POU3F3: variants seen among roughly 807,000 people sequenced by gnomAD.
POU3F3 encodes the protein POU class 3 homeobox 3.
A neutral mutation model predicts 8.6 loss-of-function variants in POU3F3; 1 was observed. The ratio of observed to expected loss-of-function variants is 0.12; its 90% CI spans 0.04 to 0.55. The LOEUF (loss-of-function observed/expected upper bound fraction) is 0.55, where lower values mean the gene tolerates loss of function less well. Ranked by LOEUF, POU3F3 falls within the 20% of genes least tolerant of loss-of-function variation. The probability of loss-of-function intolerance (pLI) is 0.91; values close to 1 mark genes in which losing one functional copy is unlikely to be tolerated. For missense variants in POU3F3, 577 were observed against 690.7 expected (o/e 0.84, Z 1.84); for synonymous variants, 418 against 327.4 (o/e 1.28, Z -2.99).
chr2:104,924,580 A>G, the POU3F3 span, among the ~76,000 whole-genome samples: 4 of 152,218 alleles, frequency 2.6e-5, no homozygotes, highest in Non-Finnish European at 5.9e-5. Context: ...ACTCATATTA[A>G]CAGGATTTTC....
chr2:104,897,972 C>T, the POU3F3 span, among the ~76,000 whole-genome samples: 9 of 152,156 alleles, frequency 5.9e-5, no homozygotes, highest in Non-Finnish European at 1.0e-4. Flanking sequence ...AATTGTTTTC[C>T]TAAGTTATAA....
At chr2:104,914,651 G>A in the POU3F3 span, among the ~76,000 whole-genome samples, 55 of 152,294 alleles carry the variant, frequency 3.6e-4, no homozygotes, top group African/African-American at 1.3e-3. Flanking sequence ...TCTGGCGATT[G>A]GAAGACTGGC....
the POU3F3 span, among the ~76,000 whole-genome samples, chr2:104,890,289 C>T: frequency 2.0e-5 from 3 of 152,092 alleles, no homozygotes; most frequent in African/African-American, 7.2e-5. Context: ...CTCCATCTCA[C>T]TTTGCTGAAT....
the POU3F3 span, among the ~76,000 whole-genome samples, chr2:104,874,360 C>A: frequency 2.0e-5 from 3 of 152,304 alleles, no homozygotes; most frequent in East Asian, 5.8e-4. Context: ...CAGGCCTCCC[C>A]GCCAGGGTTC....
the POU3F3 span, among the ~76,000 whole-genome samples, chr2:104,922,563 G>A: frequency 5.9e-5 from 9 of 151,970 alleles, no homozygotes; most frequent in Non-Finnish European, 1.0e-4. Flanking sequence ...TTGAGCAGGC[G>A]GAAGAAAAAA....
chr2:104,897,110 G>A, the POU3F3 span, among the ~76,000 whole-genome samples: 1 of 152,192 alleles, frequency 6.6e-6, no homozygotes, highest in East Asian at 1.9e-4. Flanking sequence ...AGAGGAATTG[G>A]GAAGGGGAGT....
At chr2:104,917,701 A>G in the POU3F3 span, among the ~76,000 whole-genome samples, 1 of 152,082 alleles carries the variant, frequency 6.6e-6, no homozygotes, top group African/African-American at 2.4e-5. Context: ...CATAGAAGTC[A>G]TTTTCTCTCC....
rs1676612064 is a variant in POU3F3, at chr2:104,858,098, C to A, written c.*1085C>A. 1 of 152,160 alleles carries A rather than the reference C, an allele frequency of 6.6e-6. No individual in the cohort carries two copies. The highest frequency in any genetic ancestry group is 6.5e-5 in the Admixed American group (1 of 15,270). 9.4% of individuals were successfully genotyped at this position (152,160 alleles called of 1,614,324 possible). A position where few individuals can be genotyped will look rare whatever the true frequency, so the allele number is the denominator to read the frequency against. On this transcript the variant is annotated 3_prime_UTR_variant, in exon 1 of 1. Transcript: ENST00000361360. ...ATATTTTTTATTTTTTATTTCTGGACTGACTCAGATAAAGGAATTTAGAAA... is the reference window on the plus strand; with the variant it reads ...ATATTTTTTATTTTTTATTTCTGGAATGACTCAGATAAAGGAATTTAGAAA...
chr2:104,888,043 A>G, the POU3F3 span, among the ~76,000 whole-genome samples: 2 of 152,238 alleles, frequency 1.3e-5, no homozygotes, highest in African/African-American at 4.8e-5. Context: ...GGGTACCAAC[A>G]ATAAGGAAGT....
At chr2:104,904,504 C>T in the POU3F3 span, among the ~76,000 whole-genome samples, 5 of 151,964 alleles carry the variant, frequency 3.3e-5, no homozygotes, top group East Asian at 1.9e-4. Flanking sequence ...TCCAGTGGAA[C>T]GAATCCAGTT....
the POU3F3 span, among the ~76,000 whole-genome samples, chr2:104,895,253 A>G: frequency 1.7e-3 from 263 of 152,236 alleles, no homozygotes; most frequent in African/African-American, 6.2e-3. Flanking sequence ...CTCAAAGGGT[A>G]TTTTTTCTTT....
chr2:104,855,655 G>T lies in POU3F3; in HGVS notation c.145G>T (p.Gly49Cys). Reference protein sequence around the residue: ...GGGGGAGGGGGGMQPGSAAVT... With the variant: ...GGGGGAGGGGCGMQPGSAAVT... ...CGGGGGCGGCGCAGGGGGCGGGGGC[G>T]GCGGCATGCAGCCGGGCAGCGCCGC... The change falls in exon 1 of 1, where the codon GGC (glycine) becomes TGC (cysteine). Residue 49 changes from glycine to cysteine, a missense_variant. Gly to Cys is a radical substitution (Grantham distance 159). Coordinates refer to ENST00000361360, the MANE Select transcript of POU3F3 (RefSeq NM_006236.3). The T allele has an allele frequency of 9.8e-7, 1 of 1,020,400 alleles. No homozygotes were observed. The highest frequency in any genetic ancestry group is 1.2e-6 in the Non-Finnish European group (1 of 851,028). 63.2% of individuals were successfully genotyped at this position (1,020,400 alleles called of 1,614,324 possible).
At chr2:104,914,979 C>A in the POU3F3 span, among the ~76,000 whole-genome samples, 2 of 152,186 alleles carry the variant, frequency 1.3e-5, no homozygotes, top group African/African-American at 4.8e-5. Flanking sequence ...GAAGGCCTCA[C>A]AGGTGCCTGC....
the POU3F3 span, among the ~76,000 whole-genome samples, chr2:104,907,715 C>T: frequency 6.6e-6 from 1 of 152,134 alleles, no homozygotes; most frequent in Non-Finnish European, 1.5e-5. Flanking sequence ...ACATTATCTG[C>T]AAGTAATAAA....
In POU3F3 at chr2:104,855,700, C is replaced by A. The variant is rs758709883; in HGVS notation, c.190C>A (p.Arg64=). The A allele has an allele frequency of 7.4e-6, 9 of 1,217,694 alleles. No homozygotes were observed. The highest frequency in any genetic ancestry group is 2.7e-5 in the Admixed American group (1 of 36,662). 75.4% of individuals were successfully genotyped at this position (1,217,694 alleles called of 1,614,324 possible). A position where few individuals can be genotyped will look rare whatever the true frequency, so the allele number is the denominator to read the frequency against. ...GSAAVTSGAY[R]GDPSSVKMVQ... ...CGCCGCCGTGACCTCGGGCGCCTAC[C>A]GGGGGGACCCGTCCTCTGTCAAGAT... The change falls in exon 1 of 1, where the codon CGG becomes AGG. Residue 64 remains arginine, a synonymous_variant. Transcript: ENST00000361360.
the POU3F3 span, among the ~76,000 whole-genome samples, chr2:104,889,474 T>C: frequency 2.6e-5 from 4 of 152,326 alleles, no homozygotes; most frequent in Admixed American, 6.5e-5. Flanking sequence ...GCAGGTCGGT[T>C]GCAGGTTCTG....
At chr2:104,913,014 T>G in the POU3F3 span, among the ~76,000 whole-genome samples, 1 of 152,196 alleles carries the variant, frequency 6.6e-6, no homozygotes, top group African/African-American at 2.4e-5. Context: ...TTTATTTCAT[T>G]TACCTAGATT....
chr2:104,877,745 G>A, the POU3F3 span, among the ~76,000 whole-genome samples: 52 of 147,080 alleles, frequency 3.5e-4, no homozygotes, highest in Admixed American at 1.2e-3. Flanking sequence ...TGCAACCTCC[G>A]ACTCCCGATT....
the POU3F3 span, among the ~76,000 whole-genome samples, chr2:104,903,868 G>A: frequency 6.6e-6 from 1 of 152,234 alleles, no homozygotes; most frequent in African/African-American, 2.4e-5. Context: ...ATTAAGATTT[G>A]GTTCTGATTT....
Sources: gnomAD v4.1 joint callset for allele counts (sites outside exome capture counted in the v4.1 genomes callset) on GRCh38, gnomAD v4.1.1 for gene constraint, MANE v1.5 for transcripts, NCBI Gene and HGNC (gene_info 2026-07-23, HGNC 2026-07-21) for gene names.